The following PLPP2 variants were observed in gnomAD, a reference collection of about 807,000 sequenced individuals.
PLPP2 encodes PAP2-gamma.
PLPP2 carries 29 observed loss-of-function variants against 35.2 expected under a neutral mutation model. The observed-to-expected ratio is 0.82, with a 90% CI of 0.61 to 1.12. The LOEUF is 1.12. PLPP2 is among the 50% of genes most tolerant of loss of function. The pLI, the probability that PLPP2 is intolerant of heterozygous loss-of-function variation, is 0.00. For missense variants in PLPP2, 353 were observed against 375.2 expected, an observed-to-expected ratio of 0.94 and a Z score of 0.49; for synonymous variants, 162 against 167.0, an observed-to-expected ratio of 0.97 and a Z score of 0.23.
intron 5 of PLPP2, 76 bp from the exon 6 acceptor site, chr19:281,613 G>C (rs777519330): frequency 7.6e-7 from 1 of 1,319,056 alleles, no homozygotes; most frequent in African/African-American, 1.5e-5. Context: ...GCAGGAGGGG[G>C]AGGAACAGGG....
Position 288,165 on chromosome 19 carries a change from A to T in PLPP2, c.59T>A (p.Leu20Gln). 1 of 1,578,168 alleles carries T rather than the reference A, an allele frequency of 6.3e-7. No homozygotes were observed. The highest frequency in any genetic ancestry group is 8.6e-7 in the Non-Finnish European group (1 of 1,157,346). ...LDVLCLLVAS[L>Q]PFAILTLVNA... ...CACCAGCGTCAGGATAGCGAAGGGC[A>T]GGGAGGCTGGTGGGGAAGAAAAGCC... The change falls in exon 2 of 6, where the codon CTG becomes CAG. Residue 20 changes from leucine to glutamine, a missense_variant. Physicochemically the swap from Leu to Gln is moderately radical, Grantham distance 113 (BLOSUM62 -2). Coordinates refer to ENST00000434325, the MANE Select transcript of PLPP2 (RefSeq NM_003712.4).
At position 287,147 on chromosome 19, in the gene PLPP2, C is replaced by T; in HGVS notation, c.482+327G>A. On this transcript the variant is annotated intron_variant, in intron 3 of 5. Coordinates refer to ENST00000434325, the MANE Select transcript of PLPP2 (RefSeq NM_003712.4). The surrounding 1 kb of genome is among the most constrained non-coding windows in gnomAD (Gnocchi z 4.3). Reference sequence around the variant, plus strand: ...CTATGTTAATATCAGACAAAACAGACATCAAGACAAAAATTGTTGAGACAA... The same window carrying T: ...CTATGTTAATATCAGACAAAACAGATATCAAGACAAAAATTGTTGAGACAA... 3.7e-6 allele frequency: 1 copy of T among 267,486 alleles called. No homozygotes were observed. The highest frequency in any genetic ancestry group is 7.1e-6 in the Non-Finnish European group (1 of 139,958). The allele number at this position is 267,486 out of a possible 1,614,324, so 16.6% of individuals were successfully genotyped here.
intron 1 of PLPP2, among the ~76,000 whole-genome samples, chr19:288,987 C>G (rs1048484130): frequency 6.6e-6 from 1 of 152,212 alleles, no homozygotes. Flanking sequence ...CACGCACTTG[C>G]CCCTTCATCG....
intron 4 of PLPP2, 99 bp downstream of exon 4, chr19:282,653 C>T: frequency 1.5e-6 from 2 of 1,311,016 alleles, no homozygotes; most frequent in South Asian, 1.2e-5. Context: ...CTCACCACCA[C>T]TACCCACCCA....
rs1970170093 is a variant in PLPP2 at position 281,376 on chromosome 19, CG to C, written c.*11del. On this transcript the variant is annotated 3_prime_UTR_variant, in exon 6 of 6. Coordinates refer to ENST00000434325, the MANE Select transcript of PLPP2 (RefSeq NM_003712.4). ...GACTCACAGCAGCTCCCTGCCTGGG[CG>C]GGGTCCGGCCTCAGGAGGAGGAGTG... 2 of 1,389,532 alleles carry C rather than the reference CG, an allele frequency of 1.4e-6. No homozygotes were observed. Among genetic ancestry groups the C allele is most frequent in the African/African-American group, 1.5e-5 (1 of 67,406 alleles). The allele number at this position is 1,389,532 out of a possible 1,614,324, so 86.1% of individuals were successfully genotyped here.
intron 1 of PLPP2, chr19:290,854 C>A: frequency 9.7e-7 from 1 of 1,027,890 alleles, no homozygotes. Flanking sequence ...TCAGCCCTCT[C>A]CGCGCGCAGC....
chr19:286,164 GA>G (rs34880439), intron 3 of PLPP2: 66,373 of 140,064 alleles, frequency 0.47, 15,550 homozygotes, highest in Admixed American at 0.5. Flanking sequence ...AAAAAAAAAA[GA>G]AAAAAAAAAA....
At chr19:290,785 C>T (rs1411906025) in intron 1 of PLPP2, among the ~76,000 whole-genome samples, 2 of 152,168 alleles carry the variant, frequency 1.3e-5, no homozygotes, top group East Asian at 1.9e-4. Flanking sequence ...GGCGGCTGGG[C>T]CTCCCCGCAC....
chr19:281,331 A>T lies in PLPP2; in HGVS notation c.*57T>A. ...GTGCCTAACCAGGGCTGGAGGGACC[A>T]CCTGGGTGGGCCTCAGCTGGACTCA... On this transcript the variant is annotated 3_prime_UTR_variant, in exon 6 of 6. Transcript: ENST00000434325. 7.5e-7 allele frequency: 1 copy of T among 1,340,104 alleles called. No individual in the cohort carries two copies. Among genetic ancestry groups the T allele is most frequent in the Non-Finnish European group, 9.6e-7 (1 of 1,037,538 alleles). 83.0% of individuals were successfully genotyped at this position (1,340,104 alleles called of 1,614,324 possible).
chr19:282,844 C>T lies in PLPP2; in HGVS notation c.483-35G>A, dbSNP rs200354416. On this transcript the variant is annotated intron_variant, in intron 3 of 5. Coordinates refer to ENST00000434325, the MANE Select transcript of PLPP2 (RefSeq NM_003712.4). ...GAGAAGGGGCAGGTGGCTCACTCAG[C>T]GCCTTCCAACCTCCCCCTTGTCCCC... 1.3e-3 allele frequency: 1,997 copies of T among 1,597,386 alleles called. 1 individual carries two copies. Among genetic ancestry groups the T allele is most frequent in the Non-Finnish European group, 1.6e-3 (1,873 of 1,165,328 alleles).
chr19:287,254 C>A lies in PLPP2; in HGVS notation c.482+220G>T. On this transcript the variant is annotated intron_variant, in intron 3 of 5. Coordinates refer to ENST00000434325, the MANE Select transcript of PLPP2 (RefSeq NM_003712.4). The surrounding 1 kb of genome is among the most constrained non-coding windows in gnomAD (Gnocchi z 4.3). ...CAATTACAAAGGTAAATGTACTAAACAACAGAACCCCAAAATACTTAAAGC... is the reference window on the plus strand; with the variant it reads ...CAATTACAAAGGTAAATGTACTAAAAAACAGAACCCCAAAATACTTAAAGC... The A allele has an allele frequency of 1.7e-6, 1 of 572,884 alleles. No individual in the cohort carries two copies. The highest frequency in any genetic ancestry group is 3.0e-6 in the Non-Finnish European group (1 of 328,626). 35.5% of individuals were successfully genotyped at this position (572,884 alleles called of 1,614,324 possible). A position where few individuals can be genotyped will look rare whatever the true frequency, so the allele number is the denominator to read the frequency against.
chr19:285,623 A>G (rs1411143427), intron 3 of PLPP2: 1 of 151,118 alleles, frequency 6.6e-6, no homozygotes, highest in East Asian at 2.0e-4. Flanking sequence ...GAAAAGGAGA[A>G]AAAAAACATT....
Position 287,817 on chromosome 19 carries a change from C to T in PLPP2, c.205-66G>A, listed in dbSNP as rs370643798. The T allele has an allele frequency of 1.0e-5, 16 of 1,582,044 alleles. No homozygotes were observed. Among genetic ancestry groups the T allele is most frequent in the African/African-American group, 5.4e-5 (4 of 74,240 alleles). On this transcript the variant is annotated intron_variant, in intron 2 of 5. Coordinates refer to ENST00000434325, the MANE Select transcript of PLPP2 (RefSeq NM_003712.4). The surrounding 1 kb of genome is among the most constrained non-coding windows in gnomAD (Gnocchi z 4.3). ...GCCCAGGGGCCCTCACTCCTCCGCA[C>T]GGGCCTCCCCAAGGCTGCTGGAGAG...
chr19:287,175 C>A lies in PLPP2; in HGVS notation c.482+299G>T. 2 of 301,150 alleles carry A rather than the reference C, an allele frequency of 6.6e-6. No homozygotes were observed. The highest frequency in any genetic ancestry group is 1.2e-5 in the Non-Finnish European group (2 of 162,182). 18.7% of individuals were successfully genotyped at this position (301,150 alleles called of 1,614,324 possible). A position where few individuals can be genotyped will look rare whatever the true frequency, so the allele number is the denominator to read the frequency against. On this transcript the variant is annotated intron_variant, in intron 3 of 5. Coordinates refer to ENST00000434325, the MANE Select transcript of PLPP2 (RefSeq NM_003712.4). The surrounding 1 kb of genome is among the most constrained non-coding windows in gnomAD (Gnocchi z 4.3). ...CAAGACAAAAATTGTTGAGACAAAA[C>A]TCATATATCTCATTCTATGATGATG...
At chr19:282,723 A>G in intron 4 of PLPP2, 29 bp downstream of exon 4, 1 of 1,603,916 alleles carries the variant, frequency 6.2e-7, no homozygotes, top group Non-Finnish European at 8.5e-7. Context: ...GGTTCCCCCG[A>G]AAAGCAAGCC....
chr19:288,979 C>A (rs551633084), intron 1 of PLPP2, among the ~76,000 whole-genome samples: 1 of 152,220 alleles, frequency 6.6e-6, no homozygotes, highest in East Asian at 1.9e-4. Flanking sequence ...CCTTCGCTCA[C>A]GCACTTGCCC....
chr19:288,344 A>G, intron 1 of PLPP2, 173 bp from the exon 2 acceptor site: 3 of 563,162 alleles, frequency 5.3e-6, no homozygotes, highest in Non-Finnish European at 8.8e-6. Flanking sequence ...TCAGACAAAC[A>G]CAAACTCCTC....
chr19:285,412 C>CAA (rs1970254674), intron 3 of PLPP2: 1 of 150,886 alleles, frequency 6.6e-6, no homozygotes, highest in African/African-American at 2.4e-5. Flanking sequence ...GCCTGGGGGA[C>CAA]AAGAGAGAGA....
intron 5 of PLPP2, 39 bp from the exon 6 acceptor site, chr19:281,576 G>T: frequency 7.0e-7 from 1 of 1,431,994 alleles, no homozygotes; most frequent in Non-Finnish European, 9.2e-7. Context: ...GCAGGGGGCT[G>T]TCCAGGTACC....
Sources: gnomAD v4.1 joint callset for allele counts (sites outside exome capture counted in the v4.1 genomes callset) on GRCh38, gnomAD v4.1.1 for gene constraint, Gnocchi (gnomAD v3.1) non-coding constraint, MANE v1.5 for transcripts, NCBI Gene and HGNC (gene_info 2026-07-23, HGNC 2026-07-21) for gene names.